Variants in ST8SIA1 observed in about 807,000 individuals in gnomAD.
ST8SIA1 encodes alpha-N-acetylneuraminide alpha-2,8-sialyltransferase.
In ST8SIA1, 16 loss-of-function variants were observed where a neutral mutation model predicts 35.9. The ratio of observed to expected loss-of-function variants is 0.45; its 90% CI spans 0.30 to 0.68. The LOEUF (loss-of-function observed/expected upper bound fraction) is 0.68, where lower values mean the gene tolerates loss of function less well. Ranked by LOEUF, ST8SIA1 falls within the 30% of genes least tolerant of loss-of-function variation. The pLI, the probability that ST8SIA1 is intolerant of heterozygous loss-of-function variation, is 0.09. For synonymous variants in ST8SIA1, 170 were observed against 169.6 expected, an observed-to-expected ratio of 1.00 and a Z score of -0.02; for missense variants, 383 against 453.6, an observed-to-expected ratio of 0.84 and a Z score of 1.41.
intron 2 of ST8SIA1, among the ~76,000 whole-genome samples, chr12:22,277,577 G>A (rs1233794050): frequency 6.6e-6 from 1 of 152,032 alleles, no homozygotes; most frequent in Non-Finnish European, 1.5e-5. Flanking sequence ...ATGTTGGCCA[G>A]GCTGGTCTCA....
At chr12:22,215,550 G>A (rs899003663) in intron 4 of ST8SIA1, among the ~76,000 whole-genome samples, 2 of 152,152 alleles carry the variant, frequency 1.3e-5, no homozygotes, top group Middle Eastern at 3.2e-3. Flanking sequence ...TTTGTTTAGG[G>A]TGACATTTTA....
At chr12:22,246,951 G>A (rs1254045729) in intron 4 of ST8SIA1, among the ~76,000 whole-genome samples, 1 of 152,144 alleles carries the variant, frequency 6.6e-6, no homozygotes, top group African/African-American at 2.4e-5. Flanking sequence ...GTCCATGCGT[G>A]TTTTCTTCAT....
intron 3 of ST8SIA1, among the ~76,000 whole-genome samples, chr12:22,252,430 G>A (rs1424189640): frequency 2.6e-5 from 4 of 152,102 alleles, no homozygotes; most frequent in Non-Finnish European, 1.5e-5. Flanking sequence ...TCTGCAAATG[G>A]TCAAATAATT....
chr12:22,242,304 G>T (rs532195133), intron 4 of ST8SIA1, among the ~76,000 whole-genome samples: 1 of 152,152 alleles, frequency 6.6e-6, no homozygotes, highest in South Asian at 2.1e-4. Flanking sequence ...ATTATATTGG[G>T]TTATACTGTA....
At chr12:22,202,145 G>A (rs543127554) in intron 4 of ST8SIA1, 107 bp from the exon 5 acceptor site, 1 of 928,428 alleles carries the variant, frequency 1.1e-6, no homozygotes, top group African/African-American at 1.7e-5. Flanking sequence ...TCATCTCAAT[G>A]AAACACATGA....
intron 2 of ST8SIA1, among the ~76,000 whole-genome samples, chr12:22,268,829 A>G (rs998816036): frequency 6.6e-6 from 1 of 152,102 alleles, no homozygotes; most frequent in African/African-American, 2.4e-5. Context: ...AACCAAAACC[A>G]TATCACCAAA....
chr12:22,279,579 GT>G (rs1315877035), intron 2 of ST8SIA1, among the ~76,000 whole-genome samples: 1 of 152,208 alleles, frequency 6.6e-6, no homozygotes, highest in East Asian at 1.9e-4. Context: ...GAAGTCAATT[GT>G]TTTAAACGGA....
At chr12:22,209,736 T>C (rs1257294997) in intron 4 of ST8SIA1, among the ~76,000 whole-genome samples, 1 of 152,218 alleles carries the variant, frequency 6.6e-6, no homozygotes, top group East Asian at 1.9e-4. Context: ...CATCTTTGTT[T>C]TCTTTCTGTA....
chr12:22,229,146 G>C (rs1865388860), intron 4 of ST8SIA1, among the ~76,000 whole-genome samples: 1 of 151,960 alleles, frequency 6.6e-6, no homozygotes, highest in Non-Finnish European at 1.5e-5. Context: ...AAACAGGGGA[G>C]GGGTGTTGAA....
intron 2 of ST8SIA1, among the ~76,000 whole-genome samples, chr12:22,256,089 A>T (rs1338612571): frequency 6.6e-6 from 1 of 152,236 alleles, no homozygotes; most frequent in Non-Finnish European, 1.5e-5. Context: ...AAGAATACGT[A>T]TGATTCCTCC....
intron 2 of ST8SIA1, among the ~76,000 whole-genome samples, 167 bp from the exon 3 acceptor site, chr12:22,255,556 C>G (rs1044930654): frequency 3.9e-5 from 6 of 152,140 alleles, no homozygotes; most frequent in Admixed American, 3.3e-4. Flanking sequence ...ACAAACTAGT[C>G]TGTTGCCTTG....
intron 1 of ST8SIA1, among the ~76,000 whole-genome samples, chr12:22,303,489 G>C (rs1866341813): frequency 6.6e-6 from 1 of 152,112 alleles, no homozygotes; most frequent in Non-Finnish European, 1.5e-5. Flanking sequence ...GCAGTCTTCA[G>C]CCTGAGACCC....
intron 1 of ST8SIA1, among the ~76,000 whole-genome samples, chr12:22,304,115 T>C (rs1483614158): frequency 1.3e-5 from 2 of 152,162 alleles, no homozygotes; most frequent in Admixed American, 6.5e-5. Flanking sequence ...AAGCCCTTTC[T>C]GGTTTGATAC....
In ST8SIA1 at chr12:22,201,565, T is replaced by C. The variant is rs1417005337; in HGVS notation, c.1058A>G (p.Gln353Arg). 1 of 1,608,438 alleles carries C rather than the reference T, an allele frequency of 6.2e-7. No individual in the cohort carries two copies. Among genetic ancestry groups the C allele is most frequent in the Non-Finnish European group, 8.5e-7 (1 of 1,177,490 alleles). Residue 353 changes from glutamine to arginine, a missense_variant, in exon 5 of 5, where the codon CAG becomes CGG. Physicochemically the swap from Gln to Arg is conservative, Grantham distance 43 (BLOSUM62 1). Coordinates refer to ENST00000396037, the MANE Select transcript of ST8SIA1 (RefSeq NM_003034.4). ...CTTCCATTGTTCCTAGGAAGTGGGCTGGAGTGAGGTATCTTCACATGGGTC... is the reference window on the plus strand; with the variant it reads ...CTTCCATTGTTCCTAGGAAGTGGGCCGGAGTGAGGTATCTTCACATGGGTC... ...QLDPCEDTSL[Q>R]PTS
chr12:22,316,818 C>T (rs1591855307), intron 1 of ST8SIA1, among the ~76,000 whole-genome samples: 1 of 152,180 alleles, frequency 6.6e-6, no homozygotes, highest in Middle Eastern at 3.4e-3. Context: ...ATGTGCCCCT[C>T]GCAGGAAAAG....
At chr12:22,257,389 T>TG (rs1373037953) in intron 2 of ST8SIA1, among the ~76,000 whole-genome samples, 1 of 148,864 alleles carries the variant, frequency 6.7e-6, no homozygotes, top group African/African-American at 2.5e-5. Context: ...TTTTTTTTTT[T>TG]TTTTTTTTTT....
intron 1 of ST8SIA1, among the ~76,000 whole-genome samples, chr12:22,303,628 GT>G (rs1866343700): frequency 6.6e-6 from 1 of 151,940 alleles, no homozygotes; most frequent in South Asian, 2.1e-4. Flanking sequence ...TTAACTGTTT[GT>G]TTTGTTTTGC....
At chr12:22,202,426 G>A (rs187456262) in intron 4 of ST8SIA1, among the ~76,000 whole-genome samples, 1 of 152,116 alleles carries the variant, frequency 6.6e-6, no homozygotes, top group Non-Finnish European at 1.5e-5. Context: ...CCACAAGACT[G>A]GTTTCTTCAT....
intron 1 of ST8SIA1, chr12:22,324,531 G>C (rs1189971415): frequency 6.6e-6 from 1 of 152,040 alleles, no homozygotes; most frequent in Non-Finnish European, 1.5e-5. Flanking sequence ...ACTATTACTA[G>C]AAAAATATTT....
Sources: gnomAD v4.1 joint callset for allele counts (sites outside exome capture counted in the v4.1 genomes callset) on GRCh38, gnomAD v4.1.1 for gene constraint, MANE v1.5 for transcripts, NCBI Gene and HGNC (gene_info 2026-07-23, HGNC 2026-07-21) for gene names.